The following VRK2 variants were observed in gnomAD, a reference collection of about 807,000 sequenced individuals.
VRK2 encodes the protein serine/threonine-protein kinase VRK2.
In VRK2, 60 loss-of-function variants were observed where a neutral mutation model predicts 57.6. The ratio of observed to expected loss-of-function variants is 1.04; its 90% confidence interval spans 0.85 to 1.29. The LOEUF is 1.29. Ranked by LOEUF, VRK2 falls within the 50% of genes most tolerant of loss-of-function variation. The pLI, the probability that VRK2 is intolerant of heterozygous loss-of-function variation, is 0.00. For synonymous variants in VRK2, 231 were observed against 199.2 expected, an observed-to-expected ratio of 1.16 and a Z score of -1.35; for missense variants, 705 against 588.1, an observed-to-expected ratio of 1.20 and a Z score of -2.06.
chr2:57,959,575 T>C (rs1384929444), intron 1 of VRK2, among the ~76,000 whole-genome samples: 2 of 152,166 alleles, frequency 1.3e-5, no homozygotes, highest in African/African-American at 2.4e-5. Context: ...ATTTCACAGG[T>C]CAGGCATCGG....
At chr2:58,033,703 TAGA>T (rs1310948784) in intron 3 of VRK2, 1 of 152,074 alleles carries the variant, frequency 6.6e-6, no homozygotes, top group African/African-American at 2.4e-5. Context: ...AAAATTTTCC[TAGA>T]AGGATTTTCT....
intron 8 of VRK2, among the ~76,000 whole-genome samples, chr2:58,124,426 G>A (rs1030721311): frequency 2.2e-4 from 34 of 152,038 alleles, no homozygotes; most frequent in African/African-American, 7.5e-4. Context: ...GAAAAACTTT[G>A]GCTTTCAAAA....
At chr2:58,005,665 G>A (rs554272816) in intron 1 of VRK2, among the ~76,000 whole-genome samples, 4 of 152,230 alleles carry the variant, frequency 2.6e-5, no homozygotes, top group African/African-American at 9.6e-5. Flanking sequence ...ATTATTGAGA[G>A]GGTCAGTAAA....
chr2:58,130,020 C>A (rs1393787893), intron 8 of VRK2, among the ~76,000 whole-genome samples: 1 of 152,102 alleles, frequency 6.6e-6, no homozygotes, highest in Non-Finnish European at 1.5e-5. Context: ...TCTCAAAGGG[C>A]TATTTCAAAT....
At chr2:58,049,009 G>A (rs1421373593) in intron 2 of VRK2, 42 bp downstream of exon 2, 6 of 1,584,974 alleles carry the variant, frequency 3.8e-6, no homozygotes, top group Non-Finnish European at 5.1e-6. Flanking sequence ...TTATATCTGT[G>A]ACTGTAACCG....
At chr2:57,926,565 T>C (rs1670545085) in intron 1 of VRK2, among the ~76,000 whole-genome samples, 1 of 151,390 alleles carries the variant, frequency 6.6e-6, no homozygotes, top group African/African-American at 2.4e-5. Flanking sequence ...TTTTATCCTC[T>C]TGCTGAACTT....
intron 7 of VRK2, among the ~76,000 whole-genome samples, chr2:58,110,495 A>G (rs1203954921): frequency 1.3e-5 from 2 of 152,210 alleles, no homozygotes; most frequent in Non-Finnish European, 2.9e-5. Flanking sequence ...TAAAAAATAT[A>G]TGTAGCCTCA....
intron 1 of VRK2, among the ~76,000 whole-genome samples, chr2:57,934,709 A>T (rs1670848309): frequency 6.6e-6 from 1 of 152,178 alleles, no homozygotes; most frequent in African/African-American, 2.4e-5. Flanking sequence ...TTCAAACCCT[A>T]GTTCCTTTGA....
At chr2:58,019,655 A>C (rs572225155) in intron 1 of VRK2, among the ~76,000 whole-genome samples, 1 of 152,330 alleles carries the variant, frequency 6.6e-6, no homozygotes, top group Admixed American at 6.5e-5. Context: ...TAATGTTTGC[A>C]GCACATCAAA....
At chr2:57,936,478 T>G (rs1229102799) in intron 1 of VRK2, among the ~76,000 whole-genome samples, 1 of 152,002 alleles carries the variant, frequency 6.6e-6, no homozygotes, top group Non-Finnish European at 1.5e-5. Flanking sequence ...AATTAAATAA[T>G]TTACTTTTAC....
chr2:58,000,165 G>A (rs1219475745), intron 1 of VRK2, among the ~76,000 whole-genome samples: 1 of 152,128 alleles, frequency 6.6e-6, no homozygotes, highest in Non-Finnish European at 1.5e-5. Context: ...AACTATTGTA[G>A]AGAAGGCAGA....
intron 1 of VRK2, among the ~76,000 whole-genome samples, chr2:58,017,178 A>G (rs972824864): frequency 6.6e-6 from 1 of 152,108 alleles, no homozygotes; most frequent in African/African-American, 2.4e-5. Flanking sequence ...GAATAGCCCA[A>G]AGTAAGCTGA....
rs1052509132 is a variant in VRK2 at position 57,926,643 on chromosome 2, T to C, written c.-439+18804T>C. On this transcript the variant is annotated intron_variant, in intron 1 of 15. Transcript: ENST00000417641. ...TTACAGTTTTTGTCTTGAAATCTATTTTGTCTGATAAAGCAAAGCTACTCC... is the reference window on the plus strand; with the variant it reads ...TTACAGTTTTTGTCTTGAAATCTATCTTGTCTGATAAAGCAAAGCTACTCC... 1.3e-4 allele frequency among the ~76,000 whole-genome samples: 20 copies of C among 151,994 alleles called. 1 individual carries two copies. The highest frequency in any genetic ancestry group is 4.8e-4 in the African/African-American group (20 of 41,484).
chr2:57,964,689 C>A (rs192522940), intron 1 of VRK2, among the ~76,000 whole-genome samples: 438 of 152,028 alleles, frequency 2.9e-3, no homozygotes, highest in Non-Finnish European at 4.4e-3. Flanking sequence ...GTTGGGAGAC[C>A]AGCCTGGCCA....
intron 7 of VRK2, among the ~76,000 whole-genome samples, chr2:58,120,184 CTTTTTTTTT>C (rs397868874): frequency 2.1e-4 from 11 of 51,990 alleles, no homozygotes; most frequent in African/African-American, 8.3e-4. Flanking sequence ...TTTTTCTTTT[CTTTTTTTTT>C]TTTTTTTTTT....
intron 1 of VRK2, among the ~76,000 whole-genome samples, chr2:58,025,424 A>G (rs1201715803): frequency 6.6e-6 from 1 of 152,208 alleles, no homozygotes; most frequent in East Asian, 1.9e-4. Flanking sequence ...TCAAAGGCCA[A>G]TTTTGGAGAA....
chr2:57,924,507 TTTCTCATATTG>T (rs1374958885), intron 1 of VRK2, among the ~76,000 whole-genome samples: 11 of 152,058 alleles, frequency 7.2e-5, no homozygotes, highest in African/African-American at 2.7e-4. Flanking sequence ...TCTTGACTCC[TTTCTCATATTG>T]TTCACTTTTG....
intron 7 of VRK2, among the ~76,000 whole-genome samples, chr2:58,110,022 C>CT (rs1675328202): frequency 6.6e-6 from 1 of 152,172 alleles, no homozygotes; most frequent in African/African-American, 2.4e-5. Flanking sequence ...ACAGGCTTAA[C>CT]TAAGTGTAGA....
intron 1 of VRK2, among the ~76,000 whole-genome samples, chr2:57,976,901 G>A (rs2104036050): frequency 6.6e-6 from 1 of 152,184 alleles, no homozygotes; most frequent in Middle Eastern, 3.4e-3. Context: ...TTTGTATATG[G>A]TGAAAGAAAG....
Sources: gnomAD v4.1 joint callset for allele counts (sites outside exome capture counted in the v4.1 genomes callset) on GRCh38, gnomAD v4.1.1 for gene constraint, MANE v1.5 for transcripts, NCBI Gene and HGNC (gene_info 2026-07-23, HGNC 2026-07-21) for gene names.